The following OLA1 variants were observed in gnomAD, a reference collection of about 807,000 sequenced individuals.
OLA1 encodes obg-like ATPase 1.
In OLA1, 14 loss-of-function variants were observed where a neutral mutation model predicts 48.4. The observed-to-expected ratio is 0.29, with a 90% CI of 0.19 to 0.45. OLA1 has a LOEUF of 0.45. OLA1 is among the 20% of genes least tolerant of loss of function. The pLI is 1.00. For synonymous variants in OLA1, 127 were observed against 150.4 expected (o/e 0.84, Z 1.14); for missense variants, 325 against 467.1 (o/e 0.70, Z 2.80).
intron 4 of OLA1, among the ~76,000 whole-genome samples, chr2:174,195,684 A>G (rs1372056028): frequency 6.6e-6 from 1 of 152,336 alleles, no homozygotes; most frequent in East Asian, 1.9e-4. Context: ...CTGTATGCCA[A>G]CTATTATTGA....
At chr2:174,088,378 T>C (rs553410392) in intron 7 of OLA1, among the ~76,000 whole-genome samples, 1 of 152,366 alleles carries the variant, frequency 6.6e-6, no homozygotes, top group South Asian at 2.1e-4. Flanking sequence ...CAAATAAGAT[T>C]ACTATAAATT....
chr2:174,186,669 A>ATT (rs139839935), intron 4 of OLA1, among the ~76,000 whole-genome samples: 9 of 151,166 alleles, frequency 6.0e-5, no homozygotes, highest in Admixed American at 1.3e-4. Flanking sequence ...ATTACTCGCT[A>ATT]TTTTTTTTTG....
rs58320338 is a variant in OLA1 at position 174,163,711 on chromosome 2, AATATATATATATAT to A, written c.374-21725_374-21712del. Reference sequence around the variant, plus strand: ...GTCTCAAAAATAAAATAAATAAATAAATATATATATATATATATATATATATATATATATATATA... The same window carrying A: ...GTCTCAAAAATAAAATAAATAAATAAATATATATATATATATATATATATA... On this transcript the variant is annotated intron_variant, in intron 4 of 10. Coordinates refer to ENST00000284719, the MANE Select transcript of OLA1 (RefSeq NM_013341.5). Among the ~76,000 whole-genome samples, 185 of 34,304 alleles carry A rather than the reference AATATATATATATAT, an allele frequency of 5.4e-3. 1 individual carries two copies. Among genetic ancestry groups the A allele is most frequent in the Admixed American group, 0.011 (29 of 2,644 alleles). The allele number at this position is 34,304 out of a possible 152,430, so 22.5% of individuals were successfully genotyped here.
intron 2 of OLA1, among the ~76,000 whole-genome samples, chr2:174,230,864 T>C (rs1241354017): frequency 6.6e-6 from 1 of 152,142 alleles, no homozygotes; most frequent in Non-Finnish European, 1.5e-5. Context: ...AGGCATCTGT[T>C]TGAAGGGTCT....
chr2:174,224,814 T>C (rs376237357), intron 3 of OLA1, among the ~76,000 whole-genome samples: 4 of 152,064 alleles, frequency 2.6e-5, no homozygotes, highest in Non-Finnish European at 5.9e-5. Context: ...TAAAGTAAAT[T>C]GAAGAGGGGA....
At chr2:174,184,666 A>G (rs1262924094) in intron 4 of OLA1, among the ~76,000 whole-genome samples, 2 of 152,198 alleles carry the variant, frequency 1.3e-5, no homozygotes, top group South Asian at 2.1e-4. Flanking sequence ...TGACAAATGT[A>G]CCATAGTAAA....
At chr2:174,140,026 A>T (rs1415234501) in intron 5 of OLA1, among the ~76,000 whole-genome samples, 2 of 152,178 alleles carry the variant, frequency 1.3e-5, no homozygotes, top group African/African-American at 2.4e-5. Context: ...GCTTATTGAC[A>T]TAAAAATACA....
intron 7 of OLA1, among the ~76,000 whole-genome samples, chr2:174,118,662 T>C (rs896843367): frequency 6.6e-5 from 10 of 152,180 alleles, no homozygotes; most frequent in Non-Finnish European, 1.0e-4. Flanking sequence ...ATTCTTCAGC[T>C]AGTTTGAAAA....
At chr2:174,104,014 G>A (rs1373138547) in intron 7 of OLA1, among the ~76,000 whole-genome samples, 2 of 152,062 alleles carry the variant, frequency 1.3e-5, no homozygotes, top group African/African-American at 4.8e-5. Flanking sequence ...GAAACAGGAG[G>A]ATGGAGAAAT....
At chr2:174,192,158 T>G (rs1226097972) in intron 4 of OLA1, among the ~76,000 whole-genome samples, 1 of 152,158 alleles carries the variant, frequency 6.6e-6, no homozygotes, top group Non-Finnish European at 1.5e-5. Flanking sequence ...TGTCCAAAGG[T>G]TTACAATATA....
intron 5 of OLA1, among the ~76,000 whole-genome samples, chr2:174,140,623 C>T (rs1002286988): frequency 6.6e-6 from 1 of 152,120 alleles, no homozygotes; most frequent in Non-Finnish European, 1.5e-5. Flanking sequence ...CTGCCTTGGC[C>T]TCCCAAAGTG....
At chr2:174,218,120 G>C (rs201120387) in intron 4 of OLA1, among the ~76,000 whole-genome samples, 1 of 151,930 alleles carries the variant, frequency 6.6e-6, no homozygotes. Flanking sequence ...AACAATCCTC[G>C]GGCCTCAGCC....
At chr2:174,108,219 T>G (rs1316692565) in intron 7 of OLA1, among the ~76,000 whole-genome samples, 1 of 152,126 alleles carries the variant, frequency 6.6e-6, no homozygotes, top group East Asian at 1.9e-4. Flanking sequence ...TTAGACTGTT[T>G]GAAGGCTTTC....
At chr2:174,188,371 A>AATAAT (rs1558995992) in intron 4 of OLA1, among the ~76,000 whole-genome samples, 155 of 149,330 alleles carry the variant, frequency 1.0e-3, no homozygotes, top group African/African-American at 3.7e-3. Flanking sequence ...TTCCTCCTAA[A>AATAAT]AATAATAATA....
chr2:174,224,868 C>T (rs1038376071), intron 3 of OLA1, among the ~76,000 whole-genome samples: 4 of 152,204 alleles, frequency 2.6e-5, no homozygotes. Flanking sequence ...AAACACTGTG[C>T]TACCTGTTAC....
chr2:174,138,258 T>C (rs1574502522), intron 5 of OLA1, among the ~76,000 whole-genome samples: 1 of 152,214 alleles, frequency 6.6e-6, no homozygotes, highest in Admixed American at 6.5e-5. Flanking sequence ...CTTGAACACT[T>C]AGAAGCCATC....
chr2:174,181,611 G>A (rs1283485160), intron 4 of OLA1, among the ~76,000 whole-genome samples: 1 of 151,842 alleles, frequency 6.6e-6, no homozygotes, highest in Admixed American at 6.6e-5. Context: ...CAGAGGGAAA[G>A]GTAGAGTATA....
Position 174,223,163 on chromosome 2 carries a change from GA to G in OLA1, c.246-4del. 6.2e-7 allele frequency: 1 copy of G among 1,613,010 alleles called. No individual in the cohort carries two copies. The highest frequency in any genetic ancestry group is 8.5e-7 in the Non-Finnish European group (1 of 1,179,500). ...CATTTAGAAAGGCAGGAATTTTGCT[GA>G]AAAACAAAAGATGGCTTTATTATAA... On this transcript the variant is annotated splice_region_variant and splice_polypyrimidine_tract_variant and intron_variant, in intron 3 of 10. Coordinates refer to ENST00000284719, the MANE Select transcript of OLA1 (RefSeq NM_013341.5).
intron 4 of OLA1, among the ~76,000 whole-genome samples, chr2:174,211,722 A>G (rs1559007251): frequency 6.6e-6 from 1 of 152,166 alleles, no homozygotes; most frequent in Non-Finnish European, 1.5e-5. Context: ...ATTTTTTTCT[A>G]TGCTTATAGT....
Sources: allele counts gnomAD v4.1 joint callset (sites outside exome capture counted in the v4.1 genomes callset), GRCh38; gene constraint gnomAD v4.1.1; transcripts MANE v1.5; gene names NCBI Gene and HGNC (gene_info 2026-07-23, HGNC 2026-07-21).